The following COL1A1 variants were observed in gnomAD, a reference collection of about 807,000 sequenced individuals.
The protein encoded by COL1A1 is collagen type I alpha 1 chain.
A neutral mutation model predicts 195.7 loss-of-function variants in COL1A1; 21 were observed. That is an observed-to-expected ratio of 0.11 (90% CI 0.08 to 0.15). The LOEUF (loss-of-function observed/expected upper bound fraction) is 0.15, where lower values mean the gene tolerates loss of function less well. COL1A1 is among the 10% of genes least tolerant of loss of function. The pLI is 1.00. For missense variants in COL1A1, 1,365 were observed against 2,051.0 expected, an observed-to-expected ratio of 0.67 and a Z score of 6.46; for synonymous variants, 749 against 747.3, an observed-to-expected ratio of 1.00 and a Z score of -0.04.
At position 50,193,041 on chromosome 17, in the gene COL1A1, G is replaced by T. The variant is rs762089694; in HGVS notation, c.1774C>A (p.Pro592Thr). 2.5e-6 allele frequency: 4 copies of T among 1,613,920 alleles called. No homozygotes were observed. Among genetic ancestry groups the T allele is most frequent in the Non-Finnish European group, 2.5e-6 (3 of 1,179,974 alleles). ...ACACCTCGCTCTCCAGCCTTGCCGG[G>T]CTCTCCCTGTGGAGAAAGGGAGTTA... is the stretch of plus-strand genomic sequence containing the variant. ...FPGPKGAAGE[P>T]GKAGERGVPG... is the part of the protein sequence containing the mutation. Residue 592 changes from proline to threonine, a missense_variant, in exon 26 of 51, where the codon CCC (proline) becomes ACC (threonine). Physicochemically the swap from Pro to Thr is conservative, Grantham distance 38. This residue lies in a region of COL1A1 where 671 missense variants were observed against 1,099.9 expected (regional missense o/e 0.61). Coordinates refer to ENST00000225964, the MANE Select transcript of COL1A1 (RefSeq NM_000088.4).
At position 50,185,988 on chromosome 17, in the gene COL1A1, G is replaced by T. The variant is rs768810493; in HGVS notation, c.4038C>A (p.Ala1346=). ...FEYGGQGSDP[A]DVAIQLTFLR... The stretch of plus-strand genomic sequence containing the variant: ...GGAAGGTCAGCTGGATGGCCACATC[G>T]GCAGGGTCGGAGCCCTGGCCGCCAT... Residue 1346 remains alanine, a synonymous_variant, in exon 50 of 51, where the codon GCC becomes GCA. Coordinates refer to ENST00000225964, the MANE Select transcript of COL1A1 (RefSeq NM_000088.4). 6.2e-7 allele frequency: 1 copy of T among 1,613,276 alleles called. No homozygotes were observed. The highest frequency in any genetic ancestry group is 1.7e-5 in the Admixed American group (1 of 60,018).
At chr17:50,198,089 T>G in intron 7 of COL1A1, 72 bp downstream of exon 7, 3 of 1,605,920 alleles carry the variant, frequency 1.9e-6, no homozygotes, top group Non-Finnish European at 2.6e-6. Flanking sequence ...GCATCTCTCC[T>G]GCCCTCATCC....
Position 50,195,548 on chromosome 17 carries a change from C to T in COL1A1, c.1155+19G>A. 1 of 1,614,058 alleles carries T rather than the reference C, an allele frequency of 6.2e-7. No individual in the cohort carries two copies. The highest frequency in any genetic ancestry group is 8.5e-7 in the Non-Finnish European group (1 of 1,179,972). On this transcript the variant is annotated intron_variant, in intron 17 of 50. Transcript: ENST00000225964. This position sits in a 1 kb window ranked among gnomAD's most constrained non-coding sequence, Gnocchi z 4.3. ...AGGTTAGAAAGTGGCAAAGGGGACACTGAGTCGGGGACACTTACAGCAGGG... is the reference window on the plus strand; with the variant it reads ...AGGTTAGAAAGTGGCAAAGGGGACATTGAGTCGGGGACACTTACAGCAGGG...
intron 7 of COL1A1, 69 bp downstream of exon 7, chr17:50,198,092 C>T (rs542174021): frequency 1.9e-6 from 3 of 1,607,988 alleles, no homozygotes; most frequent in South Asian, 2.2e-5. Context: ...TCTCTCCTGC[C>T]CTCATCCCAG....
chr17:50,194,947 C>T lies in COL1A1; in HGVS notation c.1353+100G>A. The T allele has an allele frequency of 6.8e-7, 1 of 1,481,328 alleles. No homozygotes were observed. The highest frequency in any genetic ancestry group is 9.4e-7 in the Non-Finnish European group (1 of 1,065,718). The allele number at this position is 1,481,328 out of a possible 1,614,324, so 91.8% of individuals were successfully genotyped here. On this transcript the variant is annotated intron_variant, in intron 20 of 50. Coordinates refer to ENST00000225964, the MANE Select transcript of COL1A1 (RefSeq NM_000088.4). The surrounding 1 kb of genome is among the most constrained non-coding windows in gnomAD (Gnocchi z 6.8). ...GTTCCTGGGGGTGTGGCAGGGACTC[C>T]CCCAGAAGACTAGGGGCTCCTCTTC...
Position 50,186,461 on chromosome 17 carries a change from G to C in COL1A1, c.3861C>G (p.Ile1287Met). ...DPNQGCNLDA[I>M]KVFCNMETGE... ...CAGTCTCCATGTTGCAGAAGACTTT[G>C]ATGGCATCCAGGTTGCAGCCTTGGT... is the stretch of plus-strand genomic sequence containing the variant. Residue 1287 changes from isoleucine to methionine, a missense_variant, in exon 49 of 51, where the codon ATC becomes ATG. By Grantham distance (10) the Ile-to-Met change is conservative (BLOSUM62 1). This residue lies in a region of COL1A1 where 273 missense variants were observed against 338.6 expected (regional missense o/e 0.81). Transcript: ENST00000225964. This position sits in a 1 kb window ranked among gnomAD's most constrained non-coding sequence, Gnocchi z 5.3. 6.2e-7 allele frequency: 1 copy of C among 1,614,210 alleles called. No individual in the cohort carries two copies. The highest frequency in any genetic ancestry group is 1.1e-5 in the South Asian group (1 of 91,084).
chr17:50,198,418 C>T lies in COL1A1; in HGVS notation c.543+15G>A. 1 of 1,612,244 alleles carries T rather than the reference C, an allele frequency of 6.2e-7. No homozygotes were observed. Among genetic ancestry groups the T allele is most frequent in the Non-Finnish European group, 8.5e-7 (1 of 1,179,150 alleles). The stretch of plus-strand genomic sequence containing the variant: ...ATTCTCTCTTCTGTCATCCATGCTC[C>T]CCCTGCTGGCTCACCATGGGGCCAG... On this transcript the variant is annotated intron_variant, in intron 6 of 50. Transcript: ENST00000225964.
In COL1A1 at chr17:50,198,005, T is replaced by TGA. The variant is rs755136370; in HGVS notation, c.589-5_589-4dup. On this transcript the variant is annotated splice_region_variant and splice_polypyrimidine_tract_variant and intron_variant, in intron 7 of 50. Transcript: ENST00000225964. ...GGACCTTGGAAGCCTTGGGGACCCT[T>TGA]GAGAAGAAGGAAAAAGATGGGTTAG... is the stretch of plus-strand genomic sequence containing the variant. The TGA allele has an allele frequency of 5.6e-6, 9 of 1,613,844 alleles. No individual in the cohort carries two copies. The highest frequency in any genetic ancestry group is 1.6e-4 in the Middle Eastern group (1 of 6,084).
At position 50,185,303 on chromosome 17, in the gene COL1A1, T is replaced by G; in HGVS notation, c.*199A>C. 3.5e-6 allele frequency: 2 copies of G among 565,710 alleles called. No individual in the cohort carries two copies. The highest frequency in any genetic ancestry group is 6.2e-6 in the Non-Finnish European group (2 of 320,414). The allele number at this position is 565,710 out of a possible 1,614,324, so 35.0% of individuals were successfully genotyped here. A position where few individuals can be genotyped will look rare whatever the true frequency, so the allele number is the denominator to read the frequency against. ...GTAAGGTTGAATGCACTTTTGGTTT[T>G]TGGTCATGTTCGGTTGGTCAAAGAT... On this transcript the variant is annotated 3_prime_UTR_variant, in exon 51 of 51. Coordinates refer to ENST00000225964, the MANE Select transcript of COL1A1 (RefSeq NM_000088.4).
At chr17:50,192,330 T>C in intron 29 of COL1A1, 145 bp downstream of exon 29, 1 of 949,528 alleles carries the variant, frequency 1.1e-6, no homozygotes, top group East Asian at 2.6e-5. Flanking sequence ...CTTCCCTCTG[T>C]GCTGCTCCCT....
chr17:50,201,141 C>T (rs1908056921), intron 1 of COL1A1, among the ~76,000 whole-genome samples: 1 of 152,250 alleles, frequency 6.6e-6, no homozygotes, highest in Non-Finnish European at 1.5e-5. Flanking sequence ...CCCAGATCCC[C>T]ACTTCCCCGG....
In COL1A1 at chr17:50,184,605, C is replaced by G. The variant is rs1055801624; in HGVS notation, c.*897G>C. On this transcript the variant is annotated 3_prime_UTR_variant, in exon 51 of 51. Coordinates refer to ENST00000225964, the MANE Select transcript of COL1A1 (RefSeq NM_000088.4). ...GTGATTCCCTCCCCACCCCACCCAT[C>G]ACATAGATGTAGCACCTTTGGTATA... is the stretch of plus-strand genomic sequence containing the variant. 2.7e-5 allele frequency: 4 copies of G among 149,322 alleles called. No homozygotes were observed. Among genetic ancestry groups the G allele is most frequent in the African/African-American group, 1.0e-4 (4 of 39,820 alleles). The allele number at this position is 149,322 out of a possible 1,614,324, so 9.2% of individuals were successfully genotyped here.
rs759735608 is a variant in COL1A1, at chr17:50,197,052, T to G, written c.762A>C (p.Gly254=). The change falls in exon 11 of 51, where the codon GGA becomes GGC. Residue 254 remains glycine, a synonymous_variant. Transcript: ENST00000225964. ...RGPPGPQGAR[G]LPGTAGLPGM... The stretch of plus-strand genomic sequence containing the variant: ...CAGGGAGGCCAGCTGTTCCGGGCAA[T>G]CCTCGAGCACCCTGGAGAGAGATGA... 10 of 1,613,926 alleles carry G rather than the reference T, an allele frequency of 6.2e-6. No individual in the cohort carries two copies. The East Asian group carries it at 2.0e-4, about 32-fold the overall frequency.
chr17:50,195,370 G>A lies in COL1A1; in HGVS notation c.1201-40C>T. On this transcript the variant is annotated intron_variant, in intron 18 of 50. Coordinates refer to ENST00000225964, the MANE Select transcript of COL1A1 (RefSeq NM_000088.4). The surrounding 1 kb of genome is among the most constrained non-coding windows in gnomAD (Gnocchi z 4.3). ...CAGCCAGGGCGTGAGCCTAGGAGCA[G>A]AGGGAAAGGGGCAGGCAGGCTGCAG... 6.2e-7 allele frequency: 1 copy of A among 1,613,814 alleles called. No individual in the cohort carries two copies. Among genetic ancestry groups the A allele is most frequent in the Non-Finnish European group, 8.5e-7 (1 of 1,179,720 alleles).
In COL1A1 at chr17:50,199,605, G is replaced by A. The variant is rs199523510; in HGVS notation, c.299-15C>T. The A allele has an allele frequency of 1.4e-4, 224 of 1,614,108 alleles. 2 individuals are homozygous for A. In the Middle Eastern group the frequency reaches 5.0e-3, roughly 36 times the overall value. On this transcript the variant is annotated splice_polypyrimidine_tract_variant and intron_variant, in intron 2 of 50. Coordinates refer to ENST00000225964, the MANE Select transcript of COL1A1 (RefSeq NM_000088.4). ...GGTGGGTGACTCTAGGGGACGAAGA[G>A]ACGCGCGTTAGAGCCAAGGTTTGCT...
In COL1A1 at chr17:50,188,464, C is replaced by A; in HGVS notation, c.3207+66G>T. 1 of 1,471,948 alleles carries A rather than the reference C, an allele frequency of 6.8e-7. No homozygotes were observed. The highest frequency in any genetic ancestry group is 9.5e-7 in the Non-Finnish European group (1 of 1,051,624). The allele number at this position is 1,471,948 out of a possible 1,614,324, so 91.2% of individuals were successfully genotyped here. ...GTGAAGTCCGACACCCATCCCCAGGCCTCTAAGGAGGCCTGAAGAGTCCCT... is the reference window on the plus strand; with the variant it reads ...GTGAAGTCCGACACCCATCCCCAGGACTCTAAGGAGGCCTGAAGAGTCCCT... On this transcript the variant is annotated intron_variant, in intron 43 of 50. Transcript: ENST00000225964. This position sits in a 1 kb window ranked among gnomAD's most constrained non-coding sequence, Gnocchi z 5.6.
rs371817394 is a variant in COL1A1, at chr17:50,198,146, G to A, written c.588+15C>T. On this transcript the variant is annotated intron_variant, in intron 7 of 50. Transcript: ENST00000225964. Reference sequence around the variant, plus strand: ...AAAGCCCAAGGAGGCATATGAAGACGTCCTGGATACTCACAGGTGCACCAG... The same window carrying A: ...AAAGCCCAAGGAGGCATATGAAGACATCCTGGATACTCACAGGTGCACCAG... 8.6e-5 allele frequency: 138 copies of A among 1,613,960 alleles called. No homozygotes were observed. The highest frequency in any genetic ancestry group is 2.7e-4 in the African/African-American group (20 of 74,988).
In COL1A1 at chr17:50,189,419, G is replaced by T; in HGVS notation, c.2787C>A (p.Gly929=). The change falls in exon 39 of 51, where the codon GGC becomes GGA. Residue 929 remains glycine, a synonymous_variant. Coordinates refer to ENST00000225964, the MANE Select transcript of COL1A1 (RefSeq NM_000088.4). The surrounding 1 kb of genome is among the most constrained non-coding windows in gnomAD (Gnocchi z 5.5). The part of the protein sequence containing the change: ...PGEVGPPGPP[G]PAGEKGSPGA... ...CAGGGGATCCTTTCTCGCCAGCAGG[G>T]CCAGGGGGACCAGGGGGACCAACTT... is the stretch of plus-strand genomic sequence containing the variant. 1 of 1,613,674 alleles carries T rather than the reference G, an allele frequency of 6.2e-7. No homozygotes were observed. Among genetic ancestry groups the T allele is most frequent in the Non-Finnish European group, 8.5e-7 (1 of 1,179,928 alleles).
intron 27 of COL1A1, 24 bp downstream of exon 27, chr17:50,192,773 G>C (rs751869133): frequency 8.7e-6 from 14 of 1,613,884 alleles, no homozygotes; most frequent in Middle Eastern, 1.6e-4. Context: ...CTGCTCCCCA[G>C]ATCTCCCCAT....
Sources: gnomAD v4.1 joint callset for allele counts (sites outside exome capture counted in the v4.1 genomes callset) on GRCh38, gnomAD v4.1.1 for gene constraint, gnomAD v4.1.1 regional missense constraint, Gnocchi (gnomAD v3.1) non-coding constraint, MANE v1.5 for transcripts, NCBI Gene and HGNC (gene_info 2026-07-23, HGNC 2026-07-21) for gene names.